The following MUC5B variants were observed in gnomAD, a reference collection of about 807,000 sequenced individuals.
MUC5B encodes mucin 5B, oligomeric mucus/gel-forming.
Under a neutral mutation model 376.9 loss-of-function variants are expected in MUC5B, and 116 were observed. The observed-to-expected ratio is 0.31, with a 90% CI of 0.26 to 0.36. MUC5B has a LOEUF of 0.36. Among genes scored for constraint, MUC5B ranks in the 10% least tolerant of loss-of-function variants. MUC5B has a pLI of 1.00. For missense variants in MUC5B, 7,165 were observed against 7,769.9 expected (o/e 0.92, Z 2.93); for synonymous variants, 3,517 against 3,390.9 (o/e 1.04, Z -1.29).
chr11:1,247,433 C>T lies in MUC5B; in HGVS notation c.10553C>T (p.Thr3518Ile). The T allele has an allele frequency of 6.2e-7, 1 of 1,609,860 alleles. No individual in the cohort carries two copies. Among genetic ancestry groups the T allele is most frequent in the Non-Finnish European group, 8.5e-7 (1 of 1,178,962 alleles). The part of the protein sequence containing the change: ...ALSSPHPSSR[T>I]TESPPSPGTT... ...TCCAGCCCTCACCCTAGCAGCAGGA[C>T]CACCGAGTCACCCCCTTCTCCAGGG... Residue 3518 changes from threonine to isoleucine, a missense_variant, in exon 31 of 49, where the codon ACC becomes ATC. Around this residue, in one of 31 missense-constraint regions of MUC5B, gnomAD observed 939 missense variants for 770.6 expected, o/e 1.22. Coordinates refer to ENST00000529681, the MANE Select transcript of MUC5B (RefSeq NM_002458.3).
chr11:1,257,140 G>C lies in MUC5B; in HGVS notation c.16238-100G>C. 1.3e-6 allele frequency: 1 copy of C among 761,732 alleles called. No individual in the cohort carries two copies. The allele number at this position is 761,732 out of a possible 1,614,324, so 47.2% of individuals were successfully genotyped here. ...AGTTCTCCAGGGCCTTCCATCCCGG[G>C]GGGAAGCAGGCTCCAGGCCTGAGAG... On this transcript the variant is annotated intron_variant, in intron 39 of 48. Coordinates refer to ENST00000529681, the MANE Select transcript of MUC5B (RefSeq NM_002458.3). This position sits in a 1 kb window ranked among gnomAD's most constrained non-coding sequence, Gnocchi z 8.9.
At position 1,245,792 on chromosome 11, in the gene MUC5B, G is replaced by T; in HGVS notation, c.8912G>T (p.Cys2971Phe). 1 of 1,612,964 alleles carries T rather than the reference G, an allele frequency of 6.2e-7. No individual in the cohort carries two copies. The highest frequency in any genetic ancestry group is 8.5e-7 in the Non-Finnish European group (1 of 1,179,744). Reference sequence around the variant, plus strand: ...GTGTTCTGCTGCAACTACGGCCACTGCCCCAGCACCCCGGCCACCAGCTCT... The same window carrying T: ...GTGTTCTGCTGCAACTACGGCCACTTCCCCAGCACCCCGGCCACCAGCTCT... ...IRVFCCNYGHCPSTPATSSTA... is the reference protein window; with the variant it reads ...IRVFCCNYGHFPSTPATSSTA... The change falls in exon 31 of 49, where the codon TGC becomes TTC. Residue 2971 changes from cysteine (C) to phenylalanine (F), a missense_variant. This residue lies in a region of MUC5B where 57 missense variants were observed against 167.2 expected (regional missense o/e 0.34). Coordinates refer to ENST00000529681, the MANE Select transcript of MUC5B (RefSeq NM_002458.3).
At chr11:1,259,440 G>A (rs1019033741) in intron 44 of MUC5B, 11 of 512,854 alleles carry the variant, frequency 2.1e-5, no homozygotes, top group Non-Finnish European at 3.9e-5. Flanking sequence ...CTGGGGTCTT[G>A]TTTGTTTCCA....
rs367633928 is a variant in MUC5B, at chr11:1,248,926, C to T, written c.12046C>T (p.Leu4016=). 2.4e-4 allele frequency: 382 copies of T among 1,587,924 alleles called. 1 individual carries two copies. The African/African-American group carries it at 4.7e-3, about 19-fold the overall frequency. The change falls in exon 31 of 49, where the codon CTG becomes TTG. Residue 4016 remains leucine (L), a synonymous_variant. Transcript: ENST00000529681. ...NTTATTHGRS[L]SPSSPHTVRT... is the part of the protein sequence containing the mutation. ...CACGGCCACCACACACGGGCGATCC[C>T]TGTCCCCCAGCAGTCCCCACACGGT...
In MUC5B at chr11:1,246,007, T is replaced by G. The variant is rs754479927; in HGVS notation, c.9127T>G (p.Ser3043Ala). The change falls in exon 31 of 49, where the codon TCC becomes GCC. Residue 3043 changes from serine to alanine, a missense_variant. Around this residue, in one of 31 missense-constraint regions of MUC5B, gnomAD observed 939 missense variants for 770.6 expected, o/e 1.22. Coordinates refer to ENST00000529681, the MANE Select transcript of MUC5B (RefSeq NM_002458.3). ...TATSSKATSS[S>A]SPRTATTLPV... ...CACCAGTTCCAAAGCCACTTCCTCC[T>G]CCAGTCCAAGGACTGCAACCACCCT... The G allele has an allele frequency of 6.2e-6, 10 of 1,612,338 alleles. No individual in the cohort carries two copies. The African/African-American group carries it at 1.1e-4, about 17-fold the overall frequency.
rs147606040 is a variant in MUC5B, at chr11:1,233,218, C to T, written c.2271C>T (p.His757=). The T allele has an allele frequency of 5.0e-4, 799 of 1,597,646 alleles. 1 individual carries two copies. The African/African-American group carries it at 7.1e-3, about 14-fold the overall frequency. ...CCCAGGAGTGCCCCTGCTACGCTCA[C>T]GGCACCGTGCTGGCTCCTGGAGAGG... is the stretch of plus-strand genomic sequence containing the variant. ...VPAQECPCYA[H]GTVLAPGEVV... is the part of the protein sequence containing the mutation. Residue 757 remains histidine, a synonymous_variant, in exon 18 of 49, where the codon CAC becomes CAT. Transcript: ENST00000529681.
Position 1,255,285 on chromosome 11 carries a change from GGTTGC to G in MUC5B, c.15890+20_15890+24del. ...TGAGCCAGTGAGTCCTCCCCTCGGG[GGTTGC>G]AGGCCCTGGGGCGCCCCCGCCCGCC... On this transcript the variant is annotated intron_variant, in intron 36 of 48. Transcript: ENST00000529681. The G allele has an allele frequency of 2.0e-6, 3 of 1,508,432 alleles. No individual in the cohort carries two copies. The highest frequency in any genetic ancestry group is 2.7e-6 in the Non-Finnish European group (3 of 1,121,530). The allele number at this position is 1,508,432 out of a possible 1,614,324, so 93.4% of individuals were successfully genotyped here.
In MUC5B at chr11:1,255,578, G is replaced by A. The variant is rs752991355; in HGVS notation, c.16066+20G>A. On this transcript the variant is annotated intron_variant, in intron 37 of 48. Transcript: ENST00000529681. Reference sequence around the variant, plus strand: ...TGTGCGGTGAGTGGGGGCGGCCCCGGGCCCCCCAGACCCCTCGGCCTCTCT... The same window carrying A: ...TGTGCGGTGAGTGGGGGCGGCCCCGAGCCCCCCAGACCCCTCGGCCTCTCT... 1.5e-4 allele frequency: 228 copies of A among 1,490,192 alleles called. No individual in the cohort carries two copies. The highest frequency in any genetic ancestry group is 2.0e-4 in the Non-Finnish European group (217 of 1,112,192). The allele number at this position is 1,490,192 out of a possible 1,614,324, so 92.3% of individuals were successfully genotyped here. A position where few individuals can be genotyped will look rare whatever the true frequency, so the allele number is the denominator to read the frequency against.
Position 1,252,380 on chromosome 11 carries a change from C to T in MUC5B, c.14901C>T (p.Cys4967=). The stretch of plus-strand genomic sequence containing the variant: ...ACAATAAGACCGACCGAGCCGGCTG[C>T]CATTTCTACGCAGTGTGCAATCAGC... ...VIYNKTDRAG[C]HFYAVCNQHC... The change falls in exon 32 of 49, where the codon TGC becomes TGT. Residue 4967 remains cysteine (C), a synonymous_variant. Coordinates refer to ENST00000529681, the MANE Select transcript of MUC5B (RefSeq NM_002458.3). 8 of 1,590,366 alleles carry T rather than the reference C, an allele frequency of 5.0e-6. No individual in the cohort carries two copies. The highest frequency in any genetic ancestry group is 6.8e-6 in the Non-Finnish European group (8 of 1,168,422).
chr11:1,252,187 T>G (rs538258235), intron 31 of MUC5B, among the ~76,000 whole-genome samples, 156 bp from the exon 32 acceptor site: 1 of 152,260 alleles, frequency 6.6e-6, no homozygotes, highest in African/African-American at 2.4e-5. Context: ...GTGGCCACAC[T>G]TGGTCCCCAC....
chr11:1,241,664 T>C lies in MUC5B; in HGVS notation c.4784T>C (p.Val1595Ala). The C allele has an allele frequency of 6.2e-6, 10 of 1,612,180 alleles. No homozygotes were observed. The highest frequency in any genetic ancestry group is 8.5e-6 in the Non-Finnish European group (10 of 1,179,612). ...ATGTGCTACAACTACAGGATCCGGG[T>C]CCTCTGCTGCAGTGACGACCACTGC... is the stretch of plus-strand genomic sequence containing the variant. ...FKMCYNYRIR[V>A]LCCSDDHCRG... Residue 1595 changes from valine to alanine, a missense_variant, in exon 31 of 49, where the codon GTC (valine) becomes GCC (alanine). By Grantham distance (64) the Val-to-Ala change is moderately conservative. Around this residue, in one of 31 missense-constraint regions of MUC5B, gnomAD observed 897 missense variants for 779.6 expected, o/e 1.15. Transcript: ENST00000529681.
At chr11:1,225,359 C>A (rs141186138) in intron 1 of MUC5B, among the ~76,000 whole-genome samples, 4 of 152,252 alleles carry the variant, frequency 2.6e-5, no homozygotes, top group Non-Finnish European at 5.9e-5. Context: ...GCACCATCCC[C>A]GCCTGTCAGT....
At chr11:1,254,984 TG>T in intron 35 of MUC5B, 56 bp from the exon 36 acceptor site, 4 of 262,098 alleles carry the variant, frequency 1.5e-5, no homozygotes, top group Non-Finnish European at 2.8e-5. Context: ...GGGAGGGGGG[TG>T]GGGGCTGTGA....
At position 1,242,589 on chromosome 11, in the gene MUC5B, G is replaced by T; in HGVS notation, c.5709G>T (p.Thr1903=). Residue 1903 remains threonine (T), a synonymous_variant, in exon 31 of 49, where the codon ACG becomes ACT. Transcript: ENST00000529681. ...STATPSSTPG[T]TWILTKPTTT... ...CCACGCCCTCCTCAACTCCGGGGAC[G>T]ACCTGGATCCTCACAAAGCCGACCA... 1 of 1,612,510 alleles carries T rather than the reference G, an allele frequency of 6.2e-7. No individual in the cohort carries two copies.
At chr11:1,235,996 AG>A (rs1300863931) in intron 23 of MUC5B, among the ~76,000 whole-genome samples, 2 of 152,196 alleles carry the variant, frequency 1.3e-5, no homozygotes, top group Non-Finnish European at 2.9e-5. Context: ...CAGAGCTCCC[AG>A]GGGATAAAGC....
rs760625059 is a variant in MUC5B, at chr11:1,241,718, C to A, written c.4838C>A (p.Thr1613Asn). The change falls in exon 31 of 49, where the codon ACC (threonine) becomes AAC (asparagine). Residue 1613 changes from threonine (T) to asparagine (N), a missense_variant. This residue lies in a region of MUC5B where 897 missense variants were observed against 779.6 expected (regional missense o/e 1.15). Coordinates refer to ENST00000529681, the MANE Select transcript of MUC5B (RefSeq NM_002458.3). ...CRGRATTPPP[T>N]TELETATTTT... ...GGACGTGCCACAACCCCGCCACCGACCACAGAGCTGGAGACGGCCACCACC... is the reference window on the plus strand; with the variant it reads ...GGACGTGCCACAACCCCGCCACCGAACACAGAGCTGGAGACGGCCACCACC... The A allele has an allele frequency of 6.2e-7, 1 of 1,612,572 alleles. No individual in the cohort carries two copies. The highest frequency in any genetic ancestry group is 1.7e-5 in the Admixed American group (1 of 59,940).
rs961329031 is a variant in MUC5B at position 1,246,880 on chromosome 11, A to T, written c.10000A>T (p.Ile3334Phe). 1 of 1,610,112 alleles carries T rather than the reference A, an allele frequency of 6.2e-7. No homozygotes were observed. Among genetic ancestry groups the T allele is most frequent in the African/African-American group, 1.3e-5 (1 of 74,596 alleles). The change falls in exon 31 of 49, where the codon ATC becomes TTC. Residue 3334 changes from isoleucine to phenylalanine, a missense_variant. Around this residue, in one of 31 missense-constraint regions of MUC5B, gnomAD observed 939 missense variants for 770.6 expected, o/e 1.22. Coordinates refer to ENST00000529681, the MANE Select transcript of MUC5B (RefSeq NM_002458.3). ...GACGGCACTCACGCCTCCAGTGTGG[A>T]TCAGCACAACCACCACACCCACAAC... ...PGTALTPPVW[I>F]STTTTPTTRG...
rs763794261 is a variant in MUC5B, at chr11:1,250,512, G to A, written c.13632G>A (p.Thr4544=). The change falls in exon 31 of 49, where the codon ACG becomes ACA. Residue 4544 remains threonine, a synonymous_variant. Transcript: ENST00000529681. ...WTRLSQTTTP[T]ATMSTATPSS... ...GCCTATCACAGACCACCACACCCAC[G>A]GCCACCATGTCCACAGCCACACCCT... The A allele has an allele frequency of 1.5e-5, 24 of 1,609,838 alleles. No individual in the cohort carries two copies. The highest frequency in any genetic ancestry group is 3.3e-5 in the South Asian group (3 of 90,768).
intron 30 of MUC5B, 66 bp downstream of exon 30, chr11:1,240,441 CTT>C: frequency 7.0e-7 from 1 of 1,426,322 alleles, no homozygotes; most frequent in South Asian, 1.3e-5. Context: ...CCCCTGGGCT[CTT>C]AGTGCAGGTG....
Sources: allele counts gnomAD v4.1 joint callset (sites outside exome capture counted in the v4.1 genomes callset), GRCh38; gene constraint gnomAD v4.1.1; regional missense constraint gnomAD v4.1.1; non-coding constraint Gnocchi (gnomAD v3.1); transcripts MANE v1.5; gene names NCBI Gene and HGNC (gene_info 2026-07-23, HGNC 2026-07-21).